Variants in ARFIP1 observed in about 807,000 individuals in gnomAD.
ARFIP1 encodes arfaptin-1.
ARFIP1 carries 24 observed loss-of-function variants against 42.5 expected under a neutral mutation model. The observed-to-expected ratio is 0.57, with a 90% CI of 0.41 to 0.80. ARFIP1 has a LOEUF of 0.80. Among genes scored for constraint, ARFIP1 ranks in the 30% least tolerant of loss-of-function variants. The probability of loss-of-function intolerance (pLI) is 0.00; values close to 1 mark genes in which losing one functional copy is unlikely to be tolerated. For missense variants in ARFIP1, 354 were observed against 434.0 expected, an observed-to-expected ratio of 0.82 and a Z score of 1.64; for synonymous variants, 141 against 153.7, an observed-to-expected ratio of 0.92 and a Z score of 0.61.
chr4:152,898,076 C>T (rs893374953), intron 8 of ARFIP1, among the ~76,000 whole-genome samples: 11 of 151,196 alleles, frequency 7.3e-5, no homozygotes, highest in African/African-American at 1.9e-4. Context: ...CTCCGCCTCC[C>T]GGGTTCAAGC....
At chr4:152,820,930 CT>C (rs1730316414) in intron 1 of ARFIP1, among the ~76,000 whole-genome samples, 1 of 152,118 alleles carries the variant, frequency 6.6e-6, no homozygotes, top group Non-Finnish European at 1.5e-5. Context: ...TGACAATAAA[CT>C]ACAAACATTT....
At chr4:152,857,142 T>C (rs1733511033) in intron 2 of ARFIP1, among the ~76,000 whole-genome samples, 1 of 152,192 alleles carries the variant, frequency 6.6e-6, no homozygotes, top group African/African-American at 2.4e-5. Flanking sequence ...TTTAAAACAA[T>C]ATGTAGTTGA....
In ARFIP1 at chr4:152,892,896, T is replaced by C. The variant is rs147589583; in HGVS notation, c.966+4589T>C. 7.7e-4 allele frequency among the ~76,000 whole-genome samples: 118 copies of C among 152,352 alleles called. 2 individuals are homozygous for C. Among genetic ancestry groups the C allele is most frequent in the African/African-American group, 2.8e-3 (116 of 41,584 alleles). On this transcript the variant is annotated intron_variant, in intron 8 of 8. Transcript: ENST00000353617. Reference sequence around the variant, plus strand: ...GTGTAGCAGTAAAGACATAGCTCATTTGTCTTCTGATATTTCTCCTTTCAT... The same window carrying C: ...GTGTAGCAGTAAAGACATAGCTCATCTGTCTTCTGATATTTCTCCTTTCAT...
intron 1 of ARFIP1, among the ~76,000 whole-genome samples, chr4:152,788,124 T>G (rs1394736962): frequency 6.6e-6 from 1 of 152,094 alleles, no homozygotes; most frequent in Non-Finnish European, 1.5e-5. Context: ...TTCCAGCTAC[T>G]TGGGAGGTTG....
intron 1 of ARFIP1, among the ~76,000 whole-genome samples, chr4:152,805,633 C>T (rs1297955541): frequency 6.6e-6 from 1 of 152,124 alleles, no homozygotes; most frequent in Non-Finnish European, 1.5e-5. Flanking sequence ...TTTGGCAGAG[C>T]CTAGATCATG....
chr4:152,785,027 T>A (rs1207158386), intron 1 of ARFIP1, among the ~76,000 whole-genome samples: 1 of 152,146 alleles, frequency 6.6e-6, no homozygotes. Context: ...CAGTTTCTGC[T>A]AGCCTGAGAT....
At chr4:152,843,319 G>A (rs545330401) in intron 2 of ARFIP1, among the ~76,000 whole-genome samples, 1 of 152,268 alleles carries the variant, frequency 6.6e-6, no homozygotes, top group South Asian at 2.1e-4. Flanking sequence ...TCCATTGGAG[G>A]TGGCAGAGGG....
intron 7 of ARFIP1, among the ~76,000 whole-genome samples, chr4:152,883,857 A>G (rs927518454): frequency 6.6e-6 from 1 of 151,744 alleles, no homozygotes; most frequent in African/African-American, 2.4e-5. Context: ...TGAGCACTCA[A>G]AATTCTTATT....
intron 8 of ARFIP1, among the ~76,000 whole-genome samples, chr4:152,893,648 A>C (rs2149902476): frequency 6.6e-6 from 1 of 152,206 alleles, no homozygotes; most frequent in East Asian, 1.9e-4. Flanking sequence ...ATACACTCCT[A>C]CTCTAAGGTA....
At chr4:152,894,091 C>A (rs997852730) in intron 8 of ARFIP1, among the ~76,000 whole-genome samples, 1 of 151,842 alleles carries the variant, frequency 6.6e-6, no homozygotes, top group East Asian at 1.9e-4. Flanking sequence ...GCCCATAATT[C>A]CAGCTACTCC....
chr4:152,790,718 A>G (rs1261283118), intron 1 of ARFIP1, among the ~76,000 whole-genome samples: 11 of 139,234 alleles, frequency 7.9e-5, no homozygotes, highest in Middle Eastern at 7.4e-3. Context: ...ATCTAGACTG[A>G]TGTGTTTATC....
chr4:152,872,357 G>T, intron 4 of ARFIP1, 95 bp from the exon 5 acceptor site: 1 of 773,202 alleles, frequency 1.3e-6, no homozygotes. Flanking sequence ...TTTTTTAGAT[G>T]CATAAGAATT....
chr4:152,882,574 G>A (rs1345852560), intron 6 of ARFIP1, 149 bp from the exon 7 acceptor site: 28 of 854,720 alleles, frequency 3.3e-5, no homozygotes, highest in Non-Finnish European at 4.7e-5. Flanking sequence ...CTGTGATTTC[G>A]ATTCTTAAAG....
intron 2 of ARFIP1, among the ~76,000 whole-genome samples, chr4:152,855,869 C>T (rs1273831069): frequency 6.6e-6 from 1 of 152,232 alleles, no homozygotes; most frequent in Non-Finnish European, 1.5e-5. Context: ...CTCCCTTTGC[C>T]TCCCAGCTGA....
chr4:152,792,603 A>C (rs1458055321), intron 1 of ARFIP1, among the ~76,000 whole-genome samples: 1 of 152,140 alleles, frequency 6.6e-6, no homozygotes, highest in African/African-American at 2.4e-5. Context: ...AGACTTCTGA[A>C]TCTTTAAACT....
At chr4:152,889,836 CTATATATAT>C (rs2149899095) in intron 8 of ARFIP1, among the ~76,000 whole-genome samples, 1 of 98,826 alleles carries the variant, frequency 1.0e-5, no homozygotes, top group South Asian at 3.4e-4. Flanking sequence ...ATACTATATA[CTATATATAT>C]ACTATATATA....
chr4:152,889,680 TAA>T (rs1491362738), intron 8 of ARFIP1, among the ~76,000 whole-genome samples: 1 of 129,856 alleles, frequency 7.7e-6, no homozygotes, highest in Non-Finnish European at 1.6e-5. Flanking sequence ...ATATACTATA[TAA>T]TATATATATG....
At chr4:152,819,073 G>A (rs1025348576) in intron 1 of ARFIP1, among the ~76,000 whole-genome samples, 2 of 152,100 alleles carry the variant, frequency 1.3e-5, no homozygotes, top group African/African-American at 4.8e-5. Flanking sequence ...GGGCCTTTGG[G>A]AACCCCATGG....
intron 1 of ARFIP1, among the ~76,000 whole-genome samples, chr4:152,799,771 T>C (rs962290033): frequency 6.6e-6 from 1 of 152,214 alleles, no homozygotes; most frequent in African/African-American, 2.4e-5. Flanking sequence ...TGTGCATGTG[T>C]GTTCTAGGAA....
Sources: allele counts gnomAD v4.1 joint callset (sites outside exome capture counted in the v4.1 genomes callset), GRCh38; gene constraint gnomAD v4.1.1; transcripts MANE v1.5; gene names NCBI Gene and HGNC (gene_info 2026-07-23, HGNC 2026-07-21).